CNTN1: variants seen among roughly 807,000 people sequenced by gnomAD.
CNTN1 encodes the protein contactin 1, also known as contactin-1.
A neutral mutation model predicts 126.4 loss-of-function variants in CNTN1; 38 were observed. That is an observed-to-expected ratio of 0.30 (90% CI 0.23 to 0.39). The LOEUF is 0.39. Ranked by LOEUF, CNTN1 falls within the 10% of genes least tolerant of loss-of-function variation. CNTN1 has a pLI of 1.00. For synonymous variants in CNTN1, 413 were observed against 422.6 expected, an observed-to-expected ratio of 0.98 and a Z score of 0.28; for missense variants, 1,009 against 1,248.4, an observed-to-expected ratio of 0.81 and a Z score of 2.89.
intron 1 of CNTN1, among the ~76,000 whole-genome samples, chr12:40,761,269 T>C (rs903168841): frequency 1.3e-5 from 2 of 152,130 alleles, no homozygotes; most frequent in Non-Finnish European, 2.9e-5. Context: ...TAATTTAGTG[T>C]AGTAACACTT....
At chr12:40,769,287 C>G (rs1939243419) in intron 1 of CNTN1, among the ~76,000 whole-genome samples, 1 of 151,900 alleles carries the variant, frequency 6.6e-6, no homozygotes, top group Non-Finnish European at 1.5e-5. Context: ...AACACATGAG[C>G]AATTGATTTT....
chr12:41,056,697 G>GA (rs937567811), intron 23 of CNTN1, among the ~76,000 whole-genome samples: 1 of 151,634 alleles, frequency 6.6e-6, no homozygotes, highest in Non-Finnish European at 1.5e-5. Flanking sequence ...CTTGGAGGAG[G>GA]AAAAAATTAA....
intron 1 of CNTN1, among the ~76,000 whole-genome samples, chr12:40,853,456 G>T (rs1006956929): frequency 6.6e-6 from 1 of 152,036 alleles, no homozygotes; most frequent in Non-Finnish European, 1.5e-5. Context: ...TCAACTGAAC[G>T]CTCAATCCAA....
In CNTN1 at chr12:41,014,198, G is replaced by C. The variant is rs766481498; in HGVS notation, c.2114-30G>C. 2 of 1,610,068 alleles carry C rather than the reference G, an allele frequency of 1.2e-6. 1 individual carries two copies. The highest frequency in any genetic ancestry group is 2.2e-5 in the South Asian group (2 of 90,936). ...AAATGCAGGCCCTCTTTTTGTTGTT[G>C]TTTTGCATATATTTGTTTGTTTGTT... On this transcript the variant is annotated intron_variant, in intron 17 of 23. Coordinates refer to ENST00000551295, the MANE Select transcript of CNTN1 (RefSeq NM_001843.4).
At chr12:41,054,148 G>T (rs1026886117) in intron 23 of CNTN1, among the ~76,000 whole-genome samples, 43 of 151,676 alleles carry the variant, frequency 2.8e-4, no homozygotes, top group African/African-American at 9.9e-4. Flanking sequence ...ACTATATAGT[G>T]CCTTAAAGTC....
At chr12:41,005,722 T>C (rs1454113883) in intron 17 of CNTN1, among the ~76,000 whole-genome samples, 1 of 152,238 alleles carries the variant, frequency 6.6e-6, no homozygotes, top group Admixed American at 6.5e-5. Context: ...CTGTTGATAC[T>C]TGTGATTGCA....
intron 1 of CNTN1, among the ~76,000 whole-genome samples, chr12:40,707,178 A>T (rs549857341): frequency 4.4e-5 from 6 of 137,154 alleles, no homozygotes; most frequent in Admixed American, 2.8e-4. Context: ...TCTTTCTCTT[A>T]CTCTGTTCAT....
chr12:40,866,003 T>G (rs1490426951), intron 1 of CNTN1, among the ~76,000 whole-genome samples: 2 of 152,112 alleles, frequency 1.3e-5, no homozygotes, highest in Non-Finnish European at 2.9e-5. Flanking sequence ...AACAATGTTT[T>G]GTAGTTTTCA....
chr12:41,050,037 T>C (rs993173123), intron 23 of CNTN1, among the ~76,000 whole-genome samples: 1 of 152,092 alleles, frequency 6.6e-6, no homozygotes, highest in Non-Finnish European at 1.5e-5. Flanking sequence ...GTAGCTGGGA[T>C]TACAGGTGCA....
At chr12:40,981,520 C>G (rs549301063) in intron 16 of CNTN1, among the ~76,000 whole-genome samples, 1 of 152,130 alleles carries the variant, frequency 6.6e-6, no homozygotes, top group East Asian at 1.9e-4. Context: ...CTACTATAAC[C>G]CTTTATGTGA....
At chr12:40,919,347 A>G (rs1440226888) in intron 4 of CNTN1, among the ~76,000 whole-genome samples, 1 of 152,162 alleles carries the variant, frequency 6.6e-6, no homozygotes, top group Non-Finnish European at 1.5e-5. Flanking sequence ...GCTATCTAAA[A>G]CAACTTTATA....
At chr12:40,842,578 G>A (rs1210736607) in intron 1 of CNTN1, among the ~76,000 whole-genome samples, 2 of 151,966 alleles carry the variant, frequency 1.3e-5, no homozygotes, top group African/African-American at 2.4e-5. Flanking sequence ...TAGTTTCCCT[G>A]AGGAGATGCT....
intron 1 of CNTN1, among the ~76,000 whole-genome samples, chr12:40,838,107 G>C (rs1942131906): frequency 1.3e-5 from 2 of 152,202 alleles, no homozygotes; most frequent in Admixed American, 6.5e-5. Flanking sequence ...AGGCCACCCA[G>C]CCCGGCATTG....
intron 23 of CNTN1, among the ~76,000 whole-genome samples, chr12:41,033,960 G>T (rs1949201890): frequency 6.6e-6 from 1 of 151,934 alleles, no homozygotes; most frequent in Admixed American, 6.6e-5. Context: ...TGAGGCAGGA[G>T]AATGGTGTGA....
At chr12:40,801,003 A>C (rs1438047807) in intron 1 of CNTN1, among the ~76,000 whole-genome samples, 8 of 141,826 alleles carry the variant, frequency 5.6e-5, no homozygotes, top group Non-Finnish European at 1.5e-5. Context: ...CAGCAGGTCA[A>C]ACTAGAGTTT....
rs1351640787 is a variant in CNTN1 at position 40,801,010 on chromosome 12, G to T, written c.-76-107347G>T. Among the ~76,000 whole-genome samples, 9 of 142,784 alleles carry T rather than the reference G, an allele frequency of 6.3e-5. No individual in the cohort carries two copies. In the South Asian group the frequency reaches 8.7e-4, roughly 14 times the overall value. The allele number at this position is 142,784 out of a possible 152,430, so 93.7% of individuals were successfully genotyped here. On this transcript the variant is annotated intron_variant, in intron 1 of 23. Transcript: ENST00000551295. ...GTGGGTAACAGCAGGTCAAACTAGA[G>T]TTTTGTTTTTTTTTTTTTTAAGATA...
intron 3 of CNTN1, among the ~76,000 whole-genome samples, chr12:40,917,396 A>G (rs1302314185): frequency 6.6e-6 from 1 of 152,086 alleles, no homozygotes; most frequent in Non-Finnish European, 1.5e-5. Flanking sequence ...TATTATCCCC[A>G]TTTTATAAAG....
intron 1 of CNTN1, among the ~76,000 whole-genome samples, chr12:40,803,937 C>T (rs574019273): frequency 2.6e-5 from 4 of 151,874 alleles, no homozygotes; most frequent in South Asian, 2.1e-4. Flanking sequence ...ATCACTTACA[C>T]GACAACAAGC....
At chr12:40,878,698 T>G (rs1180487150) in intron 1 of CNTN1, among the ~76,000 whole-genome samples, 1 of 152,248 alleles carries the variant, frequency 6.6e-6, no homozygotes, top group African/African-American at 2.4e-5. Context: ...AACACATTTT[T>G]GTAATTCAAT....
Sources: gnomAD v4.1 joint callset for allele counts (sites outside exome capture counted in the v4.1 genomes callset) on GRCh38, gnomAD v4.1.1 for gene constraint, MANE v1.5 for transcripts, NCBI Gene and HGNC (gene_info 2026-07-23, HGNC 2026-07-21) for gene names.